EPN1: variants seen among roughly 807,000 people sequenced by gnomAD.
The protein encoded by EPN1 is epsin-1.
EPN1 carries 25 observed loss-of-function variants against 56.9 expected under a neutral mutation model. The ratio of observed to expected loss-of-function variants is 0.44; its 90% CI spans 0.32 to 0.61. The LOEUF is 0.61. Among genes scored for constraint, EPN1 ranks in the 20% least tolerant of loss-of-function variants. The probability of loss-of-function intolerance (pLI) is 0.05; values close to 1 mark genes in which losing one functional copy is unlikely to be tolerated. For missense variants in EPN1, 785 were observed against 823.7 expected, an observed-to-expected ratio of 0.95 and a Z score of 0.58; for synonymous variants, 411 against 361.8, an observed-to-expected ratio of 1.14 and a Z score of -1.54.
rs753036004 is a variant in EPN1, at chr19:55,700,803, C to A, written c.*5447C>A. On this transcript the variant is annotated 3_prime_UTR_variant, in exon 11 of 11. Coordinates refer to ENST00000270460, the MANE Select transcript of EPN1 (RefSeq NM_001130072.2). Reference sequence around the variant, plus strand: ...ATAACTCATGCATTGATGGGGGTAACCCCTACAGCAGTTAACCCTGCGTGC... The same window carrying A: ...ATAACTCATGCATTGATGGGGGTAAACCCTACAGCAGTTAACCCTGCGTGC... The A allele has an allele frequency of 1.8e-4, 28 of 152,386 alleles. No individual in the cohort carries two copies. The highest frequency in any genetic ancestry group is 6.8e-3 in the Middle Eastern group (2 of 294). The allele number at this position is 152,386 out of a possible 1,614,324, so 9.4% of individuals were successfully genotyped here. A position where few individuals can be genotyped will look rare whatever the true frequency, so the allele number is the denominator to read the frequency against.
In EPN1 at chr19:55,694,995, C is replaced by T. The variant is rs1377955833; in HGVS notation, c.1522+12C>T. ...CTTCCTGCCAGGCGGTGAGTGTGGGCCCATCACCTGCTCAAGTCCTTCCTG... is the reference window on the plus strand; with the variant it reads ...CTTCCTGCCAGGCGGTGAGTGTGGGTCCATCACCTGCTCAAGTCCTTCCTG... On this transcript the variant is annotated intron_variant, in intron 10 of 10. Coordinates refer to ENST00000270460, the MANE Select transcript of EPN1 (RefSeq NM_001130072.2). This position sits in a 1 kb window ranked among gnomAD's most constrained non-coding sequence, Gnocchi z 4.2. The T allele has an allele frequency of 6.4e-7, 1 of 1,557,824 alleles. No individual in the cohort carries two copies. Among genetic ancestry groups the T allele is most frequent in the Admixed American group, 1.9e-5 (1 of 52,298 alleles).
In EPN1 at chr19:55,697,251, G is replaced by A. The variant is rs2122229051; in HGVS notation, c.*1895G>A. 1 of 152,308 alleles carries A rather than the reference G, an allele frequency of 6.6e-6. No individual in the cohort carries two copies. The highest frequency in any genetic ancestry group is 1.9e-4 in the East Asian group (1 of 5,164). 9.4% of individuals were successfully genotyped at this position (152,308 alleles called of 1,614,324 possible). The stretch of plus-strand genomic sequence containing the variant: ...TGATGGGGGAGCCCCACAGGGCACA[G>A]AGAGCCAGCTGAAGGCGGCAGCTCT... On this transcript the variant is annotated 3_prime_UTR_variant, in exon 11 of 11. Transcript: ENST00000270460.
intron 2 of EPN1, among the ~76,000 whole-genome samples, chr19:55,683,395 AGGCTGGAGTACAGT>A (rs1985957193): frequency 6.6e-6 from 1 of 152,026 alleles, no homozygotes; most frequent in Non-Finnish European, 1.5e-5. Flanking sequence ...TCTGTCTCCC[AGGCTGGAGTACAGT>A]GGCGTGCTCT....
chr19:55,701,386 T>C lies in EPN1; in HGVS notation c.*6030T>C, dbSNP rs1487650493. ...ATCGCTTGAACCCAGGAGGCGGAGG[T>C]TGTAGTGAGCCGAGATTGCACTACT... On this transcript the variant is annotated 3_prime_UTR_variant, in exon 11 of 11. Coordinates refer to ENST00000270460, the MANE Select transcript of EPN1 (RefSeq NM_001130072.2). 1 of 151,158 alleles carries C rather than the reference T, an allele frequency of 6.6e-6. No individual in the cohort carries two copies. The highest frequency in any genetic ancestry group is 1.5e-5 in the Non-Finnish European group (1 of 67,890). The allele number at this position is 151,158 out of a possible 1,614,324, so 9.4% of individuals were successfully genotyped here.
Position 55,694,769 on chromosome 19 carries a change from T to TGGG in EPN1, c.1310_1312dup (p.Gly437dup). 1 of 1,603,646 alleles carries TGGG rather than the reference T, an allele frequency of 6.2e-7. No individual in the cohort carries two copies. The highest frequency in any genetic ancestry group is 2.2e-5 in the East Asian group (1 of 44,712). Reference sequence around the variant, plus strand: ...CAGGAGAGGTGCCGGCCCGAAGCCCTGGGGCGTTTGACATGAGTGGGGTCA... The same window carrying TGGG: ...CAGGAGAGGTGCCGGCCCGAAGCCCTGGGGGGGCGTTTGACATGAGTGGGGTCA... On this transcript the variant is annotated inframe_insertion, in exon 10 of 11. Coordinates refer to ENST00000270460, the MANE Select transcript of EPN1 (RefSeq NM_001130072.2). This position sits in a 1 kb window ranked among gnomAD's most constrained non-coding sequence, Gnocchi z 4.2.
At position 55,703,730 on chromosome 19, in the gene EPN1, A is replaced by G. The variant is rs983235195; in HGVS notation, c.*8374A>G. On this transcript the variant is annotated 3_prime_UTR_variant, in exon 11 of 11. Transcript: ENST00000270460. ...CTGTACAAAAGGGATGCCACTAGCC[A>G]CATGCCACGTAGAACAGTTGAAATG... is the stretch of plus-strand genomic sequence containing the variant. 1 of 152,264 alleles carries G rather than the reference A, an allele frequency of 6.6e-6. No homozygotes were observed. The highest frequency in any genetic ancestry group is 1.5e-5 in the Non-Finnish European group (1 of 68,050). The allele number at this position is 152,264 out of a possible 1,614,324, so 9.4% of individuals were successfully genotyped here. A position where few individuals can be genotyped will look rare whatever the true frequency, so the allele number is the denominator to read the frequency against.
chr19:55,678,102 G>A (rs1007513770), intron 1 of EPN1, among the ~76,000 whole-genome samples: 7 of 152,214 alleles, frequency 4.6e-5, no homozygotes, highest in Admixed American at 2.6e-4. Flanking sequence ...CCCTTGGGGT[G>A]AGTGGATATC....
chr19:55,696,160 T>C lies in EPN1; in HGVS notation c.*804T>C, dbSNP rs1322913147. 1.3e-5 allele frequency: 2 copies of C among 152,286 alleles called. No homozygotes were observed. Among genetic ancestry groups the C allele is most frequent in the Non-Finnish European group, 2.9e-5 (2 of 68,200 alleles). 9.4% of individuals were successfully genotyped at this position (152,286 alleles called of 1,614,324 possible). On this transcript the variant is annotated 3_prime_UTR_variant, in exon 11 of 11. Transcript: ENST00000270460. Reference sequence around the variant, plus strand: ...CCATCGCCCGGGCCCACCGCAAGCATCACTAATCCATCCCTGCACTCCTGG... The same window carrying C: ...CCATCGCCCGGGCCCACCGCAAGCACCACTAATCCATCCCTGCACTCCTGG...
In EPN1 at chr19:55,708,995, C is replaced by G; in HGVS notation, c.*13639C>G. 6.3e-6 allele frequency: 10 copies of G among 1,594,694 alleles called. No homozygotes were observed. The highest frequency in any genetic ancestry group is 8.5e-6 in the Non-Finnish European group (10 of 1,172,666). On this transcript the variant is annotated 3_prime_UTR_variant, in exon 11 of 11. Transcript: ENST00000270460. ...GTCAGATGGGGAATTTTTTCTTCCA[C>G]AGACATCAGGATCTTCTGAGTTTCT...
chr19:55,700,312 T>A lies in EPN1; in HGVS notation c.*4956T>A, dbSNP rs2122235784. On this transcript the variant is annotated 3_prime_UTR_variant, in exon 11 of 11. Transcript: ENST00000270460. ...TTTTTTTTTTGAGATGGAGTCTTGC[T>A]CTCGTCCCCCAGGCTGGAGTGCAGT... 1 of 146,172 alleles carries A rather than the reference T, an allele frequency of 6.8e-6. No individual in the cohort carries two copies. Among genetic ancestry groups the A allele is most frequent in the East Asian group, 2.0e-4 (1 of 4,894 alleles). The allele number at this position is 146,172 out of a possible 1,614,324, so 9.1% of individuals were successfully genotyped here.
Position 55,705,968 on chromosome 19 carries a change from T to C in EPN1, c.*10612T>C, listed in dbSNP as rs546744169. The stretch of plus-strand genomic sequence containing the variant: ...TATAAAGTGTAAGACAAAATAAGTC[T>C]TAGTTCAGGTATGCTGGATGGGAAG... On this transcript the variant is annotated 3_prime_UTR_variant, in exon 11 of 11. Coordinates refer to ENST00000270460, the MANE Select transcript of EPN1 (RefSeq NM_001130072.2). The C allele has an allele frequency of 6.3e-6, 1 of 157,854 alleles. No individual in the cohort carries two copies. Among genetic ancestry groups the C allele is most frequent in the African/African-American group, 2.4e-5 (1 of 41,512 alleles). 9.8% of individuals were successfully genotyped at this position (157,854 alleles called of 1,614,324 possible). A position where few individuals can be genotyped will look rare whatever the true frequency, so the allele number is the denominator to read the frequency against.
At position 55,706,113 on chromosome 19, in the gene EPN1, A is replaced by T; in HGVS notation, c.*10757A>T. 4.1e-6 allele frequency: 1 copy of T among 242,400 alleles called. No individual in the cohort carries two copies. The highest frequency in any genetic ancestry group is 8.4e-6 in the Non-Finnish European group (1 of 119,034). 15.0% of individuals were successfully genotyped at this position (242,400 alleles called of 1,614,324 possible). On this transcript the variant is annotated 3_prime_UTR_variant, in exon 11 of 11. Transcript: ENST00000270460. The stretch of plus-strand genomic sequence containing the variant: ...GTTTTTCCAGATTCTCTGCATGTGC[A>T]GGTTTATGAGACTGGAGAACTTTGA...
chr19:55,705,937 A>G lies in EPN1; in HGVS notation c.*10581A>G, dbSNP rs1348775508. The G allele has an allele frequency of 6.5e-6, 1 of 152,934 alleles. No homozygotes were observed. Among genetic ancestry groups the G allele is most frequent in the Non-Finnish European group, 1.5e-5 (1 of 68,680 alleles). The allele number at this position is 152,934 out of a possible 1,614,324, so 9.5% of individuals were successfully genotyped here. A position where few individuals can be genotyped will look rare whatever the true frequency, so the allele number is the denominator to read the frequency against. Reference sequence around the variant, plus strand: ...GCTCACCATGGGATTCTTGATTTTCAGTGAGTATAAAGTGTAAGACAAAAT... The same window carrying G: ...GCTCACCATGGGATTCTTGATTTTCGGTGAGTATAAAGTGTAAGACAAAAT... On this transcript the variant is annotated 3_prime_UTR_variant, in exon 11 of 11. Transcript: ENST00000270460.
rs1986344015 is a variant in EPN1, at chr19:55,688,892, A to G, written c.501A>G (p.Ser167=). 1.7e-5 allele frequency: 27 copies of G among 1,580,070 alleles called. No homozygotes were observed. Among genetic ancestry groups the G allele is most frequent in the Non-Finnish European group, 2.2e-5 (26 of 1,163,454 alleles). Residue 167 remains serine (S), a synonymous_variant, in exon 4 of 11, where the codon TCA becomes TCG. Coordinates refer to ENST00000270460, the MANE Select transcript of EPN1 (RefSeq NM_001130072.2). ...CAGCCTCATCAGCAGCTGTGGGCTC[A>G]GGCCCCCCTCCCGAGGCGGAGCAGG... The part of the protein sequence containing the change: ...TATASSAAVG[S]GPPPEAEQAW...
chr19:55,683,309 C>T (rs1053822663), intron 2 of EPN1, among the ~76,000 whole-genome samples: 1 of 151,680 alleles, frequency 6.6e-6, no homozygotes, highest in African/African-American at 2.4e-5. Context: ...CCCGCCTTGG[C>T]CTCTCAAAAT....
intron 9 of EPN1, among the ~76,000 whole-genome samples, chr19:55,693,893 A>G (rs1167016200): frequency 6.6e-6 from 1 of 152,090 alleles, no homozygotes; most frequent in South Asian, 2.1e-4. Flanking sequence ...CATTTTTTCA[A>G]CATTAGGTAG....
intron 1 of EPN1, chr19:55,677,499 C>A: frequency 9.1e-7 from 1 of 1,099,312 alleles, no homozygotes; most frequent in South Asian, 1.5e-5. Flanking sequence ...CGGGTTGAGT[C>A]TGCCCTGCCA....
At chr19:55,683,055 T>G (rs1158371640) in intron 2 of EPN1, among the ~76,000 whole-genome samples, 2 of 151,198 alleles carry the variant, frequency 1.3e-5, no homozygotes, top group Non-Finnish European at 2.9e-5. Flanking sequence ...GCGCCCAGCC[T>G]GTTTTTTGTT....
intron 2 of EPN1, 138 bp from the exon 3 acceptor site, chr19:55,685,258 G>A (rs1026741053): frequency 3.8e-6 from 4 of 1,062,322 alleles, no homozygotes; most frequent in Non-Finnish European, 5.4e-6. Flanking sequence ...TGTGGGGACA[G>A]ATGTGTGTCC....
Sources: gnomAD v4.1 joint callset for allele counts (sites outside exome capture counted in the v4.1 genomes callset) on GRCh38, gnomAD v4.1.1 for gene constraint, Gnocchi (gnomAD v3.1) non-coding constraint, MANE v1.5 for transcripts, NCBI Gene and HGNC (gene_info 2026-07-23, HGNC 2026-07-21) for gene names.